The following KIAA0319L variants were observed in gnomAD, a reference collection of about 807,000 sequenced individuals.
KIAA0319L encodes KIAA0319 like.
A neutral mutation model predicts 120.1 loss-of-function variants in KIAA0319L; 55 were observed. That is an observed-to-expected ratio of 0.46 (90% CI 0.37 to 0.57). The LOEUF is 0.57. Among genes scored for constraint, KIAA0319L ranks in the 20% least tolerant of loss-of-function variants. The pLI is 0.00. For missense variants in KIAA0319L, 1,049 were observed against 1,255.3 expected (o/e 0.84, Z 2.48); for synonymous variants, 398 against 471.9 (o/e 0.84, Z 2.03).
chr1:35,479,965 A>C (rs1234901514), intron 3 of KIAA0319L, among the ~76,000 whole-genome samples: 2 of 149,050 alleles, frequency 1.3e-5, no homozygotes, highest in Non-Finnish European at 3.0e-5. Context: ...AAAAAAAAAA[A>C]AAAAAAACAC....
chr1:35,508,888 A>C (rs780690030), intron 2 of KIAA0319L, among the ~76,000 whole-genome samples: 18 of 152,194 alleles, frequency 1.2e-4, no homozygotes, highest in Admixed American at 5.9e-4. Context: ...ATATTATTTA[A>C]TTTTTAAAAA....
At chr1:35,464,752 G>A (rs1174986418) in intron 7 of KIAA0319L, among the ~76,000 whole-genome samples, 1 of 152,214 alleles carries the variant, frequency 6.6e-6, no homozygotes, top group Non-Finnish European at 1.5e-5. Context: ...AGGCCTAGGA[G>A]GGAAAAATGG....
chr1:35,517,932 G>C (rs989480277), intron 2 of KIAA0319L, among the ~76,000 whole-genome samples: 4 of 152,090 alleles, frequency 2.6e-5, no homozygotes, highest in African/African-American at 4.8e-5. Context: ...CTTTTCAAAA[G>C]AAGACATACA....
rs557524663 is a variant in KIAA0319L, at chr1:35,437,554, C to T, written c.2963-2473G>A. On this transcript the variant is annotated intron_variant, in intron 20 of 20. Coordinates refer to ENST00000325722, the MANE Select transcript of KIAA0319L (RefSeq NM_024874.5). This position sits in a 1 kb window ranked among gnomAD's most constrained non-coding sequence, Gnocchi z 4.1. ...CTCACTGCGCTTTCTAAATCACCTG[C>T]GCTTTCACTTCCACTGTCACTCCCC... Among the ~76,000 whole-genome samples, 9 of 152,300 alleles carry T rather than the reference C, an allele frequency of 5.9e-5. No homozygotes were observed. Among genetic ancestry groups the T allele is most frequent in the African/African-American group, 1.7e-4 (7 of 41,566 alleles).
chr1:35,478,797 G>T (rs1644016932), intron 4 of KIAA0319L, among the ~76,000 whole-genome samples, 169 bp downstream of exon 4: 1 of 152,208 alleles, frequency 6.6e-6, no homozygotes, highest in Non-Finnish European at 1.5e-5. Flanking sequence ...GCCTGCTGAG[G>T]AAAGGCTCTA....
Position 35,466,647 on chromosome 1 carries a change from C to T in KIAA0319L, c.1162G>A (p.Ala388Thr). ...EFKVIVEGQN[A>T]HGEGYVNVTV... ...ACGTTCACATAGCCTTCCCCATGGG[C>T]ATTTTGACCCTCTACAATCACTTTG... Residue 388 changes from alanine to threonine, a missense_variant, in exon 7 of 21, where the codon GCC becomes ACC. By Grantham distance (58) the Ala-to-Thr change is moderately conservative. Coordinates refer to ENST00000325722, the MANE Select transcript of KIAA0319L (RefSeq NM_024874.5). 6.2e-7 allele frequency: 1 copy of T among 1,613,778 alleles called. No homozygotes were observed. The highest frequency in any genetic ancestry group is 8.5e-7 in the Non-Finnish European group (1 of 1,179,758).
At chr1:35,533,896 C>CA (rs1477868182) in intron 2 of KIAA0319L, among the ~76,000 whole-genome samples, 2 of 151,902 alleles carry the variant, frequency 1.3e-5, no homozygotes, top group East Asian at 3.9e-4. Flanking sequence ...TAAACAAATA[C>CA]AAAAAAAATG....
intron 3 of KIAA0319L, among the ~76,000 whole-genome samples, chr1:35,504,443 G>T (rs140589947): frequency 0.012 from 1,878 of 152,226 alleles, 41 homozygotes; most frequent in African/African-American, 0.043. Flanking sequence ...TGATCCGCCC[G>T]CCTTGGCCTC....
intron 2 of KIAA0319L, 84 bp from the exon 3 acceptor site, chr1:35,507,219 G>T: frequency 4.4e-6 from 6 of 1,370,886 alleles, no homozygotes; most frequent in Non-Finnish European, 5.9e-6. Context: ...ACCAACATTT[G>T]AGGTTATTTT....
intron 20 of KIAA0319L, among the ~76,000 whole-genome samples, chr1:35,436,662 A>T (rs975847853): frequency 6.6e-6 from 1 of 152,204 alleles, no homozygotes; most frequent in African/African-American, 2.4e-5. Context: ...TAGAAAACAA[A>T]AACAACAACA....
In KIAA0319L at chr1:35,541,432, C is replaced by A. The variant is rs186788130; in HGVS notation, c.142+12918G>T. On this transcript the variant is annotated intron_variant, in intron 2 of 20. Coordinates refer to ENST00000325722, the MANE Select transcript of KIAA0319L (RefSeq NM_024874.5). ...TGGTGCAATCTCAGCTCACCGCAAC[C>A]TCTCCCTCCTGGGTTCAAGTGATTC... 2.4e-3 allele frequency among the ~76,000 whole-genome samples: 365 copies of A among 150,710 alleles called. 2 individuals carry two copies. Among genetic ancestry groups the A allele is most frequent in the African/African-American group, 7.9e-3 (324 of 40,896 alleles).
intron 2 of KIAA0319L, among the ~76,000 whole-genome samples, chr1:35,551,460 T>C (rs987201423): frequency 1.3e-5 from 2 of 152,164 alleles, no homozygotes; most frequent in East Asian, 1.9e-4. Context: ...TGGGATTACA[T>C]GTGCATGCCA....
chr1:35,444,850 C>T (rs1177127436), intron 16 of KIAA0319L, among the ~76,000 whole-genome samples: 1 of 152,194 alleles, frequency 6.6e-6, no homozygotes, highest in Non-Finnish European at 1.5e-5. Flanking sequence ...AAAGATCTTA[C>T]ACTGTAGTAT....
chr1:35,493,665 C>T (rs1408910859), intron 3 of KIAA0319L, among the ~76,000 whole-genome samples: 1 of 151,592 alleles, frequency 6.6e-6, no homozygotes, highest in African/African-American at 2.4e-5. Flanking sequence ...CCAGCCTGGG[C>T]AACATGGTGA....
At chr1:35,447,571 T>C (rs1385922339) in intron 16 of KIAA0319L, among the ~76,000 whole-genome samples, 3 of 151,170 alleles carry the variant, frequency 2.0e-5, no homozygotes, top group Non-Finnish European at 2.9e-5. Context: ...CCCCTTTTTT[T>C]TTCTTTTTTT....
chr1:35,479,299 T>G, intron 3 of KIAA0319L, 87 bp from the exon 4 acceptor site: 2 of 1,140,434 alleles, frequency 1.8e-6, no homozygotes, highest in South Asian at 3.1e-5. Flanking sequence ...CTATTAAATG[T>G]TCTCTTGAAA....
chr1:35,495,092 G>C (rs1421801705), intron 3 of KIAA0319L, among the ~76,000 whole-genome samples: 1 of 152,142 alleles, frequency 6.6e-6, no homozygotes, highest in Admixed American at 6.5e-5. Context: ...AACTTTTATA[G>C]CCAGGTGCGG....
At position 35,492,275 on chromosome 1, in the gene KIAA0319L, G is replaced by A. The variant is rs546673506; in HGVS notation, c.667-13063C>T. 9.8e-5 allele frequency among the ~76,000 whole-genome samples: 15 copies of A among 152,288 alleles called. No individual in the cohort carries two copies. In the South Asian group the frequency reaches 1.9e-3, roughly 19 times the overall value. On this transcript the variant is annotated intron_variant, in intron 3 of 20. Coordinates refer to ENST00000325722, the MANE Select transcript of KIAA0319L (RefSeq NM_024874.5). ...TCACGTCTGTAATCCCAGCACTTTG[G>A]GAAGCTGAGGCAGGTGGATCACAAG...
intron 1 of KIAA0319L, 43 bp from the exon 2 acceptor site, chr1:35,554,562 A>G (rs773000267): frequency 2.4e-6 from 3 of 1,247,502 alleles, no homozygotes; most frequent in Non-Finnish European, 3.3e-6. Context: ...CGAGTAATTA[A>G]TAATTAATTC....
Sources: allele counts gnomAD v4.1 joint callset (sites outside exome capture counted in the v4.1 genomes callset), GRCh38; gene constraint gnomAD v4.1.1; non-coding constraint Gnocchi (gnomAD v3.1); transcripts MANE v1.5; gene names NCBI Gene and HGNC (gene_info 2026-07-23, HGNC 2026-07-21).